The following SEL1L3 variants were observed in gnomAD, a reference collection of about 807,000 sequenced individuals.
SEL1L3 encodes protein sel-1 homolog 3.
A neutral mutation model predicts 142.8 loss-of-function variants in SEL1L3; 76 were observed. That is an observed-to-expected ratio of 0.53 (90% CI 0.44 to 0.64). SEL1L3 has a LOEUF of 0.64. Ranked by LOEUF, SEL1L3 falls within the 30% of genes least tolerant of loss-of-function variation. The probability of loss-of-function intolerance (pLI) is 0.00; values close to 1 mark genes in which losing one functional copy is unlikely to be tolerated. For synonymous variants in SEL1L3, 504 were observed against 519.6 expected, an observed-to-expected ratio of 0.97 and a Z score of 0.41; for missense variants, 1,262 against 1,381.7, an observed-to-expected ratio of 0.91 and a Z score of 1.37.
intron 1 of SEL1L3, chr4:25,860,712 G>A (rs1240480937): frequency 2.0e-5 from 3 of 152,258 alleles, no homozygotes; most frequent in Non-Finnish European, 4.4e-5. Context: ...ACAAAGGCAG[G>A]AAGCACTGAC....
intron 1 of SEL1L3, among the ~76,000 whole-genome samples, chr4:25,859,795 G>A (rs1717567323): frequency 6.6e-6 from 1 of 152,140 alleles, no homozygotes; most frequent in Non-Finnish European, 1.5e-5. Context: ...ATTAACGATG[G>A]CAAATATTTT....
At chr4:25,812,598 G>C (rs1714103330) in intron 9 of SEL1L3, among the ~76,000 whole-genome samples, 1 of 151,370 alleles carries the variant, frequency 6.6e-6, no homozygotes, top group Non-Finnish European at 1.5e-5. Flanking sequence ...TGTAATCCTA[G>C]TTACTCAGGA....
At chr4:25,802,667 C>A (rs537887184) in intron 10 of SEL1L3, among the ~76,000 whole-genome samples, 1 of 152,134 alleles carries the variant, frequency 6.6e-6, no homozygotes, top group East Asian at 1.9e-4. Context: ...CTGCAAGCTC[C>A]GCCTCCCAGG....
intron 9 of SEL1L3, among the ~76,000 whole-genome samples, chr4:25,809,583 C>A (rs1167579477): frequency 6.6e-6 from 1 of 152,160 alleles, no homozygotes; most frequent in African/African-American, 2.4e-5. Flanking sequence ...CGCTCCTGAC[C>A]CCGTATAAAC....
intron 9 of SEL1L3, among the ~76,000 whole-genome samples, chr4:25,807,431 C>T (rs993396776): frequency 2.0e-5 from 3 of 152,024 alleles, no homozygotes; most frequent in Admixed American, 6.6e-5. Context: ...GTAATAAGAA[C>T]GTGGAATACA....
At chr4:25,825,112 A>G (rs935784489) in intron 6 of SEL1L3, among the ~76,000 whole-genome samples, 4 of 152,314 alleles carry the variant, frequency 2.6e-5, no homozygotes, top group African/African-American at 9.6e-5. Context: ...TGTTTAAGGG[A>G]GTTATCTGTT....
rs758818613 is a variant in SEL1L3, at chr4:25,776,320, G to A, written c.2626C>T (p.His876Tyr). The A allele has an allele frequency of 1.5e-5, 24 of 1,612,778 alleles. No individual in the cohort carries two copies. The highest frequency in any genetic ancestry group is 2.0e-5 in the Non-Finnish European group (23 of 1,179,284). Residue 876 changes from histidine (H) to tyrosine (Y), a missense_variant, in exon 17 of 24, where the codon CAT becomes TAT. Coordinates refer to ENST00000399878, the MANE Select transcript of SEL1L3 (RefSeq NM_015187.5). The stretch of plus-strand genomic sequence containing the variant: ...GCATTGAGGCCTTTGCGGATGACAT[G>A]GCCCAAGTAGCCATTTTTCTCAGCT... ...HVAEKNGYLGHVIRKGLNAYL... is the reference protein window; with the variant it reads ...HVAEKNGYLGYVIRKGLNAYL...
chr4:25,820,630 T>C (rs1464615518), intron 7 of SEL1L3, among the ~76,000 whole-genome samples: 1 of 152,214 alleles, frequency 6.6e-6, no homozygotes, highest in Non-Finnish European at 1.5e-5. Flanking sequence ...TGTTTTTTGT[T>C]TCTATAAAGT....
chr4:25,722,623 G>GATTTTTTT, the SEL1L3 span, among the ~76,000 whole-genome samples: 54 of 125,074 alleles, frequency 4.3e-4, 1 homozygote, highest in Admixed American at 5.3e-4. Flanking sequence ...TCCAAAGGAG[G>GATTTTTTT]CTTTTTTTTT....
intron 1 of SEL1L3, among the ~76,000 whole-genome samples, chr4:25,849,440 A>G (rs1305553806): frequency 1.3e-5 from 2 of 152,232 alleles, no homozygotes; most frequent in Non-Finnish European, 2.9e-5. Context: ...AAGAGAACAG[A>G]CATTATATCA....
At chr4:25,718,548 G>A in the SEL1L3 span, 1 of 152,172 alleles carries the variant, frequency 6.6e-6, no homozygotes, top group African/African-American at 2.4e-5. Flanking sequence ...GATGAGGATA[G>A]GCATAATAAC....
chr4:25,742,434 C>A (rs1396646220), downstream of SEL1L3, among the ~76,000 whole-genome samples: 1 of 151,976 alleles, frequency 6.6e-6, no homozygotes, highest in East Asian at 2.0e-4. Flanking sequence ...AATCTTGGTG[C>A]AATCAGGTGC....
intron 15 of SEL1L3, among the ~76,000 whole-genome samples, chr4:25,780,088 A>C (rs1225459973): frequency 6.6e-6 from 1 of 152,096 alleles, no homozygotes; most frequent in East Asian, 1.9e-4. Context: ...TGTTCCTCCC[A>C]ATAAATGCCA....
chr4:25,808,998 G>C (rs538276530), intron 9 of SEL1L3, among the ~76,000 whole-genome samples: 1 of 148,028 alleles, frequency 6.8e-6, no homozygotes, highest in Admixed American at 6.7e-5. Context: ...GCGTGAACCC[G>C]GGAGGCAGAG....
Position 25,747,825 on chromosome 4 carries a change from A to T in SEL1L3, c.*600T>A, listed in dbSNP as rs1181083940. 2 of 152,736 alleles carry T rather than the reference A, an allele frequency of 1.3e-5. No homozygotes were observed. The highest frequency in any genetic ancestry group is 4.8e-5 in the African/African-American group (2 of 41,452). 9.5% of individuals were successfully genotyped at this position (152,736 alleles called of 1,614,324 possible). ...CATTAAATGATTCGGAAGCACTAGG[A>T]CCCTAGAAAAATTCAAGGAGAAAAA... On this transcript the variant is annotated 3_prime_UTR_variant, in exon 24 of 24. Coordinates refer to ENST00000399878, the MANE Select transcript of SEL1L3 (RefSeq NM_015187.5).
At chr4:25,777,926 T>G in intron 16 of SEL1L3, 1 of 453,506 alleles carries the variant, frequency 2.2e-6, no homozygotes. Flanking sequence ...TCTTAAGCTT[T>G]GTGGGCCACA....
intron 9 of SEL1L3, among the ~76,000 whole-genome samples, chr4:25,816,488 C>T (rs576339024): frequency 1.3e-5 from 2 of 152,308 alleles, no homozygotes; most frequent in South Asian, 4.1e-4. Flanking sequence ...CCCATCTCTA[C>T]ATCCTTCAGC....
intron 1 of SEL1L3, among the ~76,000 whole-genome samples, chr4:25,861,313 T>C (rs1417667430): frequency 7.2e-5 from 11 of 152,370 alleles, no homozygotes; most frequent in Non-Finnish European, 1.5e-5. Flanking sequence ...TGACAACTTC[T>C]TATGAAAATA....
intron 2 of SEL1L3, among the ~76,000 whole-genome samples, chr4:25,846,141 G>A (rs1436260151): frequency 6.6e-6 from 1 of 152,198 alleles, no homozygotes; most frequent in African/African-American, 2.4e-5. Flanking sequence ...AAGAAGAGCT[G>A]GCAGGCACTC....
Sources: allele counts gnomAD v4.1 joint callset (sites outside exome capture counted in the v4.1 genomes callset), GRCh38; gene constraint gnomAD v4.1.1; transcripts MANE v1.5; gene names NCBI Gene and HGNC (gene_info 2026-07-23, HGNC 2026-07-21).